TIMP2: variants seen among roughly 807,000 people sequenced by gnomAD.
The protein encoded by TIMP2 is metalloproteinase inhibitor 2.
TIMP2 carries 5 observed loss-of-function variants against 24.3 expected under a neutral mutation model. The observed-to-expected ratio is 0.21, with a 90% confidence interval of 0.11 to 0.43. The LOEUF (loss-of-function observed/expected upper bound fraction) is 0.43. Among genes scored for constraint, TIMP2 ranks in the 20% least tolerant of loss-of-function variants. The pLI is 1.00. For missense variants in TIMP2, 221 were observed against 297.5 expected (o/e 0.74, Z 1.89); for synonymous variants, 130 against 123.2 (o/e 1.06, Z -0.37).
chr17:78,876,157 T>C (rs1042748294), intron 1 of TIMP2, among the ~76,000 whole-genome samples: 7 of 152,130 alleles, frequency 4.6e-5, no homozygotes, highest in African/African-American at 1.7e-4. Context: ...CGTTCGTTTC[T>C]GCTCAAACAT....
At chr17:78,885,273 C>T (rs2069815687) in intron 1 of TIMP2, among the ~76,000 whole-genome samples, 1 of 152,204 alleles carries the variant, frequency 6.6e-6, no homozygotes, top group Non-Finnish European at 1.5e-5. Flanking sequence ...CGGAATCTGT[C>T]CCCCAAGGGT....
At chr17:78,890,927 G>C in intron 1 of TIMP2, 9 of 1,550,822 alleles carry the variant, frequency 5.8e-6, no homozygotes, top group Non-Finnish European at 7.8e-6. Flanking sequence ...GCTCATATCT[G>C]GGTGTTCCAT....
chr17:78,909,909 C>T (rs2070192817), intron 1 of TIMP2, among the ~76,000 whole-genome samples: 1 of 152,150 alleles, frequency 6.6e-6, no homozygotes. Flanking sequence ...CAGAGTCACA[C>T]AACCGGAGGC....
At chr17:78,888,953 T>C (rs1221584385) in intron 1 of TIMP2, among the ~76,000 whole-genome samples, 1 of 152,170 alleles carries the variant, frequency 6.6e-6, no homozygotes, top group African/African-American at 2.4e-5. Flanking sequence ...TCTGAGGTTG[T>C]TGGAAGGGAG....
At position 78,854,921 on chromosome 17, in the gene TIMP2, C is replaced by CGGGGGGGGGGGGGGGG. The variant is rs71161632; in HGVS notation, c.*745_*746insCCCCCCCCCCCCCCCC. On this transcript the variant is annotated 3_prime_UTR_variant, in exon 5 of 5. Transcript: ENST00000262768. ...TCCTGCAAGCTGGGGAGCATGTGGG[C>CGGGGGGGGGGGGGGGG]GGGGGGGGGGGGGTGGGGGGGTGGG... The CGGGGGGGGGGGGGGGG allele has an allele frequency of 7.7e-5, 3 of 39,090 alleles. No homozygotes were observed. Among genetic ancestry groups the CGGGGGGGGGGGGGGGG allele is most frequent in the Non-Finnish European group, 1.0e-4 (2 of 19,168 alleles). 2.4% of individuals were successfully genotyped at this position (39,090 alleles called of 1,614,324 possible). A position where few individuals can be genotyped will look rare whatever the true frequency, so the allele number is the denominator to read the frequency against.
At chr17:78,899,900 CAT>C (rs1273621064) in intron 1 of TIMP2, 2 of 152,220 alleles carry the variant, frequency 1.3e-5, no homozygotes, top group Non-Finnish European at 2.9e-5. Context: ...GTCTTTGAAA[CAT>C]AAAAATAGCT....
intron 3 of TIMP2, among the ~76,000 whole-genome samples, chr17:78,866,278 G>A (rs554209736): frequency 1.3e-5 from 2 of 152,272 alleles, no homozygotes; most frequent in East Asian, 1.9e-4. Context: ...CGTGCGTGCT[G>A]TGCGGCCACC....
At chr17:78,912,970 C>T (rs1363572444) in intron 1 of TIMP2, among the ~76,000 whole-genome samples, 1 of 152,066 alleles carries the variant, frequency 6.6e-6, no homozygotes, top group Admixed American at 6.6e-5. Flanking sequence ...TTTGGGAGGC[C>T]GAGGCGGGCA....
intron 1 of TIMP2, among the ~76,000 whole-genome samples, chr17:78,923,201 G>A (rs552709066): frequency 3.3e-5 from 5 of 152,160 alleles, no homozygotes; most frequent in African/African-American, 1.2e-4. Flanking sequence ...CAACCCAGAA[G>A]AGGAGAGTGC....
At chr17:78,900,015 C>T (rs1052221131) in intron 1 of TIMP2, 9 of 152,112 alleles carry the variant, frequency 5.9e-5, no homozygotes, top group Non-Finnish European at 1.3e-4. Context: ...CTGTCTAAGG[C>T]GCCTACGTAG....
rs556240534 is a variant in TIMP2 at position 78,892,452 on chromosome 17, C to T, written c.131-18533G>A. 5.8e-6 allele frequency: 9 copies of T among 1,547,674 alleles called. No individual in the cohort carries two copies. The South Asian group carries it at 9.5e-5, about 16-fold the overall frequency. ...GAGCCACAGAAGCCACAACGTTCCA[C>T]AGCAAACCTACGAGGAAGGGAGCAC... On this transcript the variant is annotated intron_variant, in intron 1 of 4. Coordinates refer to ENST00000262768, the MANE Select transcript of TIMP2 (RefSeq NM_003255.5).
At chr17:78,911,589 A>T (rs1406338108) in intron 1 of TIMP2, among the ~76,000 whole-genome samples, 9 of 151,820 alleles carry the variant, frequency 5.9e-5, no homozygotes, top group Admixed American at 3.9e-4. Context: ...CACCATGCCC[A>T]GCTAATTTTA....
intron 1 of TIMP2, among the ~76,000 whole-genome samples, chr17:78,908,207 C>T (rs1377064172): frequency 6.6e-6 from 1 of 152,160 alleles, no homozygotes; most frequent in African/African-American, 2.4e-5. Context: ...ATTTATTTAA[C>T]CACGCCCCTG....
intron 1 of TIMP2, among the ~76,000 whole-genome samples, chr17:78,887,470 C>T (rs1298007640): frequency 3.3e-5 from 5 of 152,154 alleles, no homozygotes; most frequent in African/African-American, 1.2e-4. Flanking sequence ...CTGCAACCTC[C>T]GCCTCCTGGG....
intron 1 of TIMP2, among the ~76,000 whole-genome samples, chr17:78,918,118 C>G (rs555075087): frequency 6.7e-6 from 1 of 149,636 alleles, no homozygotes; most frequent in South Asian, 2.1e-4. Flanking sequence ...TTACAGTTTC[C>G]GGGCTTGTGA....
At chr17:78,919,429 C>T (rs1293507555) in intron 1 of TIMP2, among the ~76,000 whole-genome samples, 1 of 152,180 alleles carries the variant, frequency 6.6e-6, no homozygotes, top group African/African-American at 2.4e-5. Context: ...CTGTGCACAC[C>T]CCACCCTGCT....
chr17:78,891,255 C>T lies in TIMP2; in HGVS notation c.131-17336G>A. 3.2e-6 allele frequency: 5 copies of T among 1,550,660 alleles called. No individual in the cohort carries two copies. Among genetic ancestry groups the T allele is most frequent in the East Asian group, 2.4e-5 (1 of 40,930 alleles). On this transcript the variant is annotated intron_variant, in intron 1 of 4. Transcript: ENST00000262768. This position sits in a 1 kb window ranked among gnomAD's most constrained non-coding sequence, Gnocchi z 4.5. ...GTTTTCAAGTCGGTCTTGGACGCTG[C>T]CTGCTGCGCCTCCTCCTCTGCTGGG... is the stretch of plus-strand genomic sequence containing the variant.
At chr17:78,873,642 C>T (rs554697684) in intron 2 of TIMP2, among the ~76,000 whole-genome samples, 177 bp downstream of exon 2, 1 of 152,314 alleles carries the variant, frequency 6.6e-6, no homozygotes, top group Non-Finnish European at 1.5e-5. Context: ...CTCCACACAA[C>T]TTTTCAGGCA....
intron 1 of TIMP2, among the ~76,000 whole-genome samples, chr17:78,879,660 TC>T (rs2069761279): frequency 6.6e-6 from 1 of 152,118 alleles, no homozygotes; most frequent in African/African-American, 2.4e-5. Context: ...CCACGGCCTC[TC>T]CCTGGGCGTC....
Sources: gnomAD v4.1 joint callset for allele counts (sites outside exome capture counted in the v4.1 genomes callset) on GRCh38, gnomAD v4.1.1 for gene constraint, Gnocchi (gnomAD v3.1) non-coding constraint, MANE v1.5 for transcripts, NCBI Gene and HGNC (gene_info 2026-07-23, HGNC 2026-07-21) for gene names.